The following SCEL variants were observed in gnomAD, a reference collection of about 807,000 sequenced individuals.
The protein encoded by SCEL is sciellin.
Under a neutral mutation model 117.6 loss-of-function variants are expected in SCEL, and 113 were observed. The ratio of observed to expected loss-of-function variants is 0.96; its 90% CI spans 0.83 to 1.12. The LOEUF is 1.12. SCEL is among the 50% of genes most tolerant of loss of function. SCEL has a pLI of 0.00. For missense variants in SCEL, 785 were observed against 810.8 expected (o/e 0.97, Z 0.39); for synonymous variants, 270 against 256.2 (o/e 1.05, Z -0.51).
intron 29 of SCEL, among the ~76,000 whole-genome samples, chr13:77,636,460 A>G (rs2090282174): frequency 6.6e-6 from 1 of 152,176 alleles, no homozygotes; most frequent in Non-Finnish European, 1.5e-5. Context: ...GAAATAAAGA[A>G]ACATATTGCT....
At chr13:77,570,102 ACAT>A (rs61683390) in intron 8 of SCEL, among the ~76,000 whole-genome samples, 1 of 152,348 alleles carries the variant, frequency 6.6e-6, no homozygotes, top group Non-Finnish European at 1.5e-5. Context: ...GCATTTACAA[ACAT>A]CAGTGCTTTT....
intron 9 of SCEL, among the ~76,000 whole-genome samples, chr13:77,579,593 C>T (rs1051757086): frequency 1.3e-5 from 2 of 152,214 alleles, no homozygotes; most frequent in African/African-American, 4.8e-5. Context: ...AACTCAGCTT[C>T]TACCAGGGAG....
intron 19 of SCEL, among the ~76,000 whole-genome samples, chr13:77,605,541 A>G (rs1482802899): frequency 6.6e-6 from 1 of 152,142 alleles, no homozygotes; most frequent in Non-Finnish European, 1.5e-5. Context: ...CAATTTACTC[A>G]TTTACAAAAG....
At chr13:77,634,133 A>G (rs1267339578) in intron 28 of SCEL, among the ~76,000 whole-genome samples, 1 of 152,268 alleles carries the variant, frequency 6.6e-6, no homozygotes, top group African/African-American at 2.4e-5. Context: ...CAAAAGAATT[A>G]CTGAGTGATC....
chr13:77,573,202 G>A (rs569228045), intron 9 of SCEL, among the ~76,000 whole-genome samples: 3 of 152,034 alleles, frequency 2.0e-5, no homozygotes, highest in African/African-American at 7.3e-5. Flanking sequence ...CTAGGATCTT[G>A]GGATATATCA....
At chr13:77,626,555 C>T (rs1186589286) in intron 27 of SCEL, among the ~76,000 whole-genome samples, 2 of 152,148 alleles carry the variant, frequency 1.3e-5, no homozygotes, top group Non-Finnish European at 2.9e-5. Context: ...GTGATTGGAT[C>T]ATGGGGACAG....
chr13:77,612,554 T>G (rs1169218316), intron 22 of SCEL, among the ~76,000 whole-genome samples: 1 of 150,746 alleles, frequency 6.6e-6, no homozygotes, highest in African/African-American at 2.4e-5. Flanking sequence ...TAATGAATAA[T>G]TTTATATTTT....
intron 27 of SCEL, 56 bp downstream of exon 27, chr13:77,618,116 C>A: frequency 1.5e-6 from 2 of 1,362,030 alleles, no homozygotes; most frequent in Admixed American, 3.4e-5. Flanking sequence ...AGGAACTTCT[C>A]CCTCCCTCCT....
At chr13:77,607,188 A>G (rs1226087929) in intron 19 of SCEL, among the ~76,000 whole-genome samples, 3 of 152,038 alleles carry the variant, frequency 2.0e-5, no homozygotes, top group Non-Finnish European at 4.4e-5. Context: ...AGCTGGAGCC[A>G]CAGGTGTGCA....
chr13:77,644,555 C>A lies in SCEL; in HGVS notation c.*281C>A. On this transcript the variant is annotated 3_prime_UTR_variant, in exon 33 of 33. Transcript: ENST00000349847. Reference sequence around the variant, plus strand: ...TGCATTACACTCCAGCCAGGTCCATCCCTGCTCCGTATGTTGGCTGTGAGT... The same window carrying A: ...TGCATTACACTCCAGCCAGGTCCATACCTGCTCCGTATGTTGGCTGTGAGT... 1 of 307,238 alleles carries A rather than the reference C, an allele frequency of 3.3e-6. No homozygotes were observed. 19.0% of individuals were successfully genotyped at this position (307,238 alleles called of 1,614,324 possible). A position where few individuals can be genotyped will look rare whatever the true frequency, so the allele number is the denominator to read the frequency against.
At chr13:77,597,229 A>G in intron 12 of SCEL, 1 of 300,958 alleles carries the variant, frequency 3.3e-6, no homozygotes, top group East Asian at 1.0e-4. Context: ...GTGCTGAGGT[A>G]GGAGCATTAA....
At chr13:77,620,606 G>A (rs9530673) in intron 27 of SCEL, among the ~76,000 whole-genome samples, 15,666 of 152,154 alleles carry the variant, frequency 0.1, 1,350 homozygotes, top group East Asian at 0.44. Flanking sequence ...GTAAGAATTT[G>A]CATGACTTGT....
At chr13:77,571,320 G>A (rs1467155095) in intron 8 of SCEL, among the ~76,000 whole-genome samples, 5 of 147,984 alleles carry the variant, frequency 3.4e-5, no homozygotes, top group Admixed American at 2.0e-4. Context: ...GGCGGAGCTT[G>A]CAGTGAGCCG....
intron 1 of SCEL, among the ~76,000 whole-genome samples, chr13:77,546,795 C>CA (rs906177954): frequency 6.6e-6 from 1 of 152,110 alleles, no homozygotes; most frequent in African/African-American, 2.4e-5. Context: ...AACTCCATGA[C>CA]ACTGTCAAGG....
intron 27 of SCEL, among the ~76,000 whole-genome samples, chr13:77,619,077 T>C (rs2089261131): frequency 6.6e-6 from 1 of 152,218 alleles, no homozygotes; most frequent in Non-Finnish European, 1.5e-5. Flanking sequence ...CCTGAAATTG[T>C]GTCATAATAA....
intron 8 of SCEL, among the ~76,000 whole-genome samples, chr13:77,571,396 T>A (rs771641549): frequency 2.3e-5 from 3 of 130,652 alleles, no homozygotes; most frequent in Non-Finnish European, 1.6e-5. Flanking sequence ...AAAAAAAAAA[T>A]TATATTTTGA....
chr13:77,551,929 G>A (rs1444303266), intron 1 of SCEL, among the ~76,000 whole-genome samples: 2 of 142,504 alleles, frequency 1.4e-5, no homozygotes, highest in Non-Finnish European at 3.0e-5. Context: ...CCATCTATGA[G>A]TGAGAATATG....
At chr13:77,592,149 A>G (rs1163031641) in intron 11 of SCEL, among the ~76,000 whole-genome samples, 1 of 152,104 alleles carries the variant, frequency 6.6e-6, no homozygotes, top group Admixed American at 6.6e-5. Flanking sequence ...TGAAGTTTAA[A>G]ACTTATATAC....
rs540331238 is a variant in SCEL at position 77,535,725 on chromosome 13, A to G, written c.-119A>G. 6.6e-6 allele frequency: 1 copy of G among 152,300 alleles called. No homozygotes were observed. The highest frequency in any genetic ancestry group is 2.4e-5 in the African/African-American group (1 of 41,560). The allele number at this position is 152,300 out of a possible 1,614,324, so 9.4% of individuals were successfully genotyped here. A position where few individuals can be genotyped will look rare whatever the true frequency, so the allele number is the denominator to read the frequency against. ...ACAGTCAGGTAGAGGTTGAGACTCCACTGAATAAACTCTAGGTTCCCATTT... is the reference window on the plus strand; with the variant it reads ...ACAGTCAGGTAGAGGTTGAGACTCCGCTGAATAAACTCTAGGTTCCCATTT... On this transcript the variant is annotated 5_prime_UTR_variant, in exon 1 of 33. Transcript: ENST00000349847.
Sources: allele counts gnomAD v4.1 joint callset (sites outside exome capture counted in the v4.1 genomes callset), GRCh38; gene constraint gnomAD v4.1.1; transcripts MANE v1.5; gene names NCBI Gene and HGNC (gene_info 2026-07-23, HGNC 2026-07-21).